The following NRXN1 variants were observed in gnomAD, a reference collection of about 807,000 sequenced individuals.
The protein encoded by NRXN1 is neurexin-1.
In NRXN1, 39 loss-of-function variants were observed where a neutral mutation model predicts 150.9. The ratio of observed to expected loss-of-function variants is 0.26; its 90% CI spans 0.20 to 0.34. NRXN1 has a LOEUF of 0.34. Ranked by LOEUF, NRXN1 falls within the 10% of genes least tolerant of loss-of-function variation. The pLI is 1.00. For synonymous variants in NRXN1, 924 were observed against 757.0 expected (o/e 1.22, Z -3.62); for missense variants, 1,815 against 1,949.9 (o/e 0.93, Z 1.30).
chr2:50,947,567 A>T (rs1189773029), intron 2 of NRXN1, among the ~76,000 whole-genome samples: 1 of 151,906 alleles, frequency 6.6e-6, no homozygotes, highest in Non-Finnish European at 1.5e-5. Context: ...TGATACACAG[A>T]CACTAGATAC....
At chr2:50,823,666 T>G (rs769323325) in intron 5 of NRXN1, among the ~76,000 whole-genome samples, 9 of 152,184 alleles carry the variant, frequency 5.9e-5, no homozygotes, top group Non-Finnish European at 1.3e-4. Context: ...TTGTTTTCTA[T>G]GCTTCTAGAA....
rs914312088 is a variant in NRXN1 at position 50,444,651 on chromosome 2, G to C, written c.3364+20791C>G. 4.6e-5 allele frequency among the ~76,000 whole-genome samples: 7 copies of C among 152,116 alleles called. No homozygotes were observed. The South Asian group carries it at 1.2e-3, about 27-fold the overall frequency. ...AGGACACCAAAAAGTCAGTGAGTAA[G>C]ATAAATAACATTTTAAATCAATACC... On this transcript the variant is annotated intron_variant, in intron 17 of 22. Coordinates refer to ENST00000401669, the MANE Select transcript of NRXN1 (RefSeq NM_001330078.2).
chr2:50,004,050 T>C (rs765998303), intron 21 of NRXN1, among the ~76,000 whole-genome samples: 1 of 151,930 alleles, frequency 6.6e-6, no homozygotes, highest in Admixed American at 6.6e-5. Context: ...CATGGTGTAG[T>C]TGGTGAAAGG....
chr2:49,987,268 T>G (rs1291060532), intron 21 of NRXN1, among the ~76,000 whole-genome samples: 1 of 152,138 alleles, frequency 6.6e-6, no homozygotes, highest in African/African-American at 2.4e-5. Flanking sequence ...GAACATGCAG[T>G]AAAATTTTAG....
intron 5 of NRXN1, among the ~76,000 whole-genome samples, chr2:50,889,967 CTAATT>C (rs1330814811): frequency 6.6e-6 from 1 of 151,550 alleles, no homozygotes. Context: ...TAAAATAAAT[CTAATT>C]TATCAGTATT....
intron 5 of NRXN1, among the ~76,000 whole-genome samples, chr2:50,851,238 G>A (rs1360766960): frequency 6.6e-6 from 1 of 152,096 alleles, no homozygotes; most frequent in Non-Finnish European, 1.5e-5. Flanking sequence ...AAGTGGGGGT[G>A]AGGGTGAGGG....
chr2:50,957,351 T>C (rs1267700513), intron 2 of NRXN1, among the ~76,000 whole-genome samples: 1 of 152,158 alleles, frequency 6.6e-6, no homozygotes, highest in East Asian at 1.9e-4. Context: ...ATAAATTTTT[T>C]ATGAGGTTAT....
At chr2:50,140,906 G>GTGTA (rs778880959) in intron 18 of NRXN1, among the ~76,000 whole-genome samples, 1 of 150,540 alleles carries the variant, frequency 6.6e-6, no homozygotes, top group Non-Finnish European at 1.5e-5. Context: ...GTGTGTGTGT[G>GTGTA]TATATATATA....
chr2:50,538,877 C>G (rs949552122), intron 9 of NRXN1, among the ~76,000 whole-genome samples: 1 of 151,986 alleles, frequency 6.6e-6, no homozygotes, highest in Non-Finnish European at 1.5e-5. Context: ...CCTAAGTGTA[C>G]AGCCAACAAA....
intron 18 of NRXN1, among the ~76,000 whole-genome samples, chr2:50,129,449 G>A (rs1190988179): frequency 6.6e-6 from 1 of 152,060 alleles, no homozygotes; most frequent in Non-Finnish European, 1.5e-5. Flanking sequence ...ATAAATTGTA[G>A]AAAATTAAAT....
intron 17 of NRXN1, among the ~76,000 whole-genome samples, chr2:50,382,626 C>T (rs1047369847): frequency 6.6e-6 from 1 of 152,132 alleles, no homozygotes; most frequent in African/African-American, 2.4e-5. Flanking sequence ...GCTTCTCCTC[C>T]TGGACTGGCA....
chr2:50,987,059 C>G (rs1427325926), intron 2 of NRXN1, among the ~76,000 whole-genome samples: 1 of 151,798 alleles, frequency 6.6e-6, no homozygotes, highest in Non-Finnish European at 1.5e-5. Flanking sequence ...ACTTCTACAA[C>G]TAAAGGCATT....
intron 19 of NRXN1, among the ~76,000 whole-genome samples, chr2:50,059,990 C>G (rs146683559): frequency 0.015 from 2,304 of 152,296 alleles, 63 homozygotes; most frequent in African/African-American, 0.052. Flanking sequence ...AGCCCCCACA[C>G]AGAGTCTCCA....
At chr2:51,013,939 A>G (rs751528696) in intron 2 of NRXN1, among the ~76,000 whole-genome samples, 34 of 152,056 alleles carry the variant, frequency 2.2e-4, no homozygotes, top group Non-Finnish European at 4.9e-4. Flanking sequence ...TACAAATGCA[A>G]TGCTATCAAG....
At chr2:50,186,360 G>T (rs999890947) in intron 18 of NRXN1, among the ~76,000 whole-genome samples, 1 of 151,904 alleles carries the variant, frequency 6.6e-6, no homozygotes, top group Non-Finnish European at 1.5e-5. Flanking sequence ...AAAGATATCA[G>T]ATTTTAAAGG....
chr2:50,278,305 T>TATATTATATATA (rs2070913080), intron 17 of NRXN1, among the ~76,000 whole-genome samples: 1 of 78,660 alleles, frequency 1.3e-5, no homozygotes, highest in Non-Finnish European at 2.5e-5. Flanking sequence ...TAATATATAT[T>TATATTATATATA]TTATATATAT....
intron 21 of NRXN1, among the ~76,000 whole-genome samples, chr2:49,984,849 T>G (rs1164344183): frequency 3.3e-5 from 5 of 152,192 alleles, no homozygotes; most frequent in Admixed American, 3.3e-4. Flanking sequence ...TGGATTGAGT[T>G]CCACATGTCC....
At chr2:50,885,353 T>C (rs1680069233) in intron 5 of NRXN1, among the ~76,000 whole-genome samples, 1 of 150,652 alleles carries the variant, frequency 6.6e-6, no homozygotes, top group African/African-American at 2.4e-5. Flanking sequence ...ATAAAACAGG[T>C]TTAAACAGTT....
In NRXN1 at chr2:50,434,043, A is replaced by ATCTT. The variant is rs1553609855; in HGVS notation, c.3364+31398_3364+31399insAAGA. 2.4e-3 allele frequency among the ~76,000 whole-genome samples: 174 copies of ATCTT among 72,130 alleles called. 41 individuals are homozygous for ATCTT. Among genetic ancestry groups the ATCTT allele is most frequent in the African/African-American group, 8.3e-3 (151 of 18,168 alleles). The allele number at this position is 72,130 out of a possible 152,430, so 47.3% of individuals were successfully genotyped here. A position where few individuals can be genotyped will look rare whatever the true frequency, so the allele number is the denominator to read the frequency against. ...ACTCCTTGCTTCCGGTATCTAAGCCATTTTTTTTTTTTTTTTTTTTTTTTT... is the reference window on the plus strand; with the variant it reads ...ACTCCTTGCTTCCGGTATCTAAGCCATCTTTTTTTTTTTTTTTTTTTTTTTTTTT... On this transcript the variant is annotated intron_variant, in intron 17 of 22. Transcript: ENST00000401669.
Sources: gnomAD v4.1 joint callset for allele counts (sites outside exome capture counted in the v4.1 genomes callset) on GRCh38, gnomAD v4.1.1 for gene constraint, MANE v1.5 for transcripts, NCBI Gene and HGNC (gene_info 2026-07-23, HGNC 2026-07-21) for gene names.